WFDC9: variants seen among roughly 807,000 people sequenced by gnomAD.
WFDC9 encodes the protein protein WFDC9.
In WFDC9, 9 loss-of-function variants were observed where a neutral mutation model predicts 9.5. The observed-to-expected ratio is 0.95, with a 90% CI of 0.57 to 1.65. The LOEUF (loss-of-function observed/expected upper bound fraction) is 1.65. WFDC9 is among the 40% of genes most tolerant of loss of function. WFDC9 has a pLI of 0.00. For missense variants in WFDC9, 87 were observed against 106.7 expected, an observed-to-expected ratio of 0.82 and a Z score of 0.81; for synonymous variants, 33 against 32.3, an observed-to-expected ratio of 1.02 and a Z score of -0.07.
intron 3 of WFDC9, 37 bp downstream of exon 3, chr20:45,610,054 C>T (rs1981825608): frequency 6.3e-7 from 1 of 1,575,468 alleles, no homozygotes. Context: ...CATCCCAGGA[C>T]TGGGCAGAGC....
In WFDC9 at chr20:45,630,043, CTG is replaced by C. The variant is rs142794492; in HGVS notation, c.-153+1158_-153+1159del. Reference sequence around the variant, plus strand: ...ACCACAATGTTGTGTAGACTCTGGACTGTCCCTAAACCATGGCCCTCCAGCCC... The same window carrying C: ...ACCACAATGTTGTGTAGACTCTGGACTCCCTAAACCATGGCCCTCCAGCCC... On this transcript the variant is annotated intron_variant, in intron 1 of 4. Transcript: ENST00000326000. The C allele has an allele frequency of 3.0e-3, 3,797 of 1,262,142 alleles. 90 individuals are homozygous for C. The African/African-American group carries it at 0.05, about 17-fold the overall frequency. The allele number at this position is 1,262,142 out of a possible 1,614,324, so 78.2% of individuals were successfully genotyped here.
At chr20:45,625,665 T>C (rs78264321) in intron 1 of WFDC9, among the ~76,000 whole-genome samples, 8,064 of 152,142 alleles carry the variant, frequency 0.053, 301 homozygotes, top group African/African-American at 0.1. Flanking sequence ...GAAGGTCTAA[T>C]TTCATTATTC....
intron 1 of WFDC9, among the ~76,000 whole-genome samples, chr20:45,617,566 C>T (rs188332406): frequency 6.6e-6 from 1 of 152,176 alleles, no homozygotes; most frequent in Non-Finnish European, 1.5e-5. Flanking sequence ...TGCTATGTTC[C>T]CTAGGCTTGT....
At position 45,612,867 on chromosome 20, in the gene WFDC9, A is replaced by G. The variant is rs185591982; in HGVS notation, c.-59+1761T>C. 5.7e-3 allele frequency among the ~76,000 whole-genome samples: 873 copies of G among 152,296 alleles called. 8 individuals are homozygous for G. Among genetic ancestry groups the G allele is most frequent in the African/African-American group, 0.02 (839 of 41,570 alleles). The stretch of plus-strand genomic sequence containing the variant: ...CAGCCTTCTCCCATCTACCCCCCTC[A>G]TTCTCTATTGCTCTACTTTTCTAGA... On this transcript the variant is annotated intron_variant, in intron 2 of 4. Coordinates refer to ENST00000326000, the MANE Select transcript of WFDC9 (RefSeq NM_147198.4).
At chr20:45,627,660 G>A (rs2145603220) in intron 1 of WFDC9, among the ~76,000 whole-genome samples, 1 of 152,320 alleles carries the variant, frequency 6.6e-6, no homozygotes, top group East Asian at 1.9e-4. Flanking sequence ...GGAAAGGCTA[G>A]AGAGCTTCCA....
chr20:45,629,793 G>T, intron 1 of WFDC9: 4 of 1,611,236 alleles, frequency 2.5e-6, no homozygotes, highest in Non-Finnish European at 3.4e-6. Context: ...CAGACATAGG[G>T]CTCACGATCT....
At chr20:45,609,602 T>TAACAAAGACA (rs1312126040) in intron 3 of WFDC9, among the ~76,000 whole-genome samples, 4 of 152,180 alleles carry the variant, frequency 2.6e-5, no homozygotes, top group African/African-American at 9.7e-5. Context: ...GCTCAGTGTC[T>TAACAAAGACA]TTGTTGTCCA....
chr20:45,629,946 G>T, intron 1 of WFDC9: 1 of 1,605,650 alleles, frequency 6.2e-7, no homozygotes, highest in South Asian at 1.1e-5. Flanking sequence ...GAATTGGGTA[G>T]GGGGAATGGA....
At chr20:45,623,019 G>T (rs542255799) in intron 1 of WFDC9, among the ~76,000 whole-genome samples, 23 of 152,302 alleles carry the variant, frequency 1.5e-4, no homozygotes, top group Admixed American at 5.2e-4. Context: ...GCATGTTTGA[G>T]AAATGGCTCA....
intron 1 of WFDC9, among the ~76,000 whole-genome samples, chr20:45,618,347 G>A (rs762420190): frequency 2.0e-5 from 3 of 152,116 alleles, no homozygotes; most frequent in South Asian, 2.1e-4. Flanking sequence ...CTTTCTTATC[G>A]TTCCTGTGTT....
chr20:45,612,247 G>A (rs1199414613), intron 2 of WFDC9, among the ~76,000 whole-genome samples: 5 of 150,566 alleles, frequency 3.3e-5, no homozygotes, highest in South Asian at 4.2e-4. Flanking sequence ...TTTACACTTA[G>A]CATTTTAATC....
In WFDC9 at chr20:45,631,120, C is replaced by T; in HGVS notation, c.-153+83G>A. The T allele has an allele frequency of 2.2e-6, 3 of 1,355,430 alleles. No individual in the cohort carries two copies. The South Asian group carries it at 5.1e-5, about 23-fold the overall frequency. 84.0% of individuals were successfully genotyped at this position (1,355,430 alleles called of 1,614,324 possible). On this transcript the variant is annotated intron_variant, in intron 1 of 4. Transcript: ENST00000326000. ...GGACCTCAAGTCACCAGCATAAGAA[C>T]ATCAACAGGAATGCCGCCCTCTCTA...
At chr20:45,617,471 G>C (rs997466392) in intron 1 of WFDC9, among the ~76,000 whole-genome samples, 7 of 151,842 alleles carry the variant, frequency 4.6e-5, no homozygotes, top group African/African-American at 1.7e-4. Context: ...AATTTAAAAA[G>C]AAAATCCATG....
chr20:45,612,314 A>G (rs953058006), intron 2 of WFDC9, among the ~76,000 whole-genome samples: 9 of 152,066 alleles, frequency 5.9e-5, no homozygotes, highest in Admixed American at 3.3e-4. Flanking sequence ...CATTCACTCA[A>G]TAAGTACTTA....
rs1287328716 is a variant in WFDC9 at position 45,608,763 on chromosome 20, A to G, written c.139T>C (p.Tyr47His). The stretch of plus-strand genomic sequence containing the variant: ...GTACACCTTTTCTCACAGTACTTAT[A>G]TGGAGGCTGTACCCAGCACTGCTCA... The part of the protein sequence containing the change: ...ETEQCWVQPP[Y>H]KYCEKRCTKI... Residue 47 changes from tyrosine (Y) to histidine (H), a missense_variant, in exon 4 of 5, where the codon TAT becomes CAT. Physicochemically the swap from Tyr to His is moderately conservative, Grantham distance 83 (BLOSUM62 2). Transcript: ENST00000326000. 2 of 1,614,128 alleles carry G rather than the reference A, an allele frequency of 1.2e-6. No homozygotes were observed. Among genetic ancestry groups the G allele is most frequent in the East Asian group, 2.2e-5 (1 of 44,880 alleles).
At chr20:45,631,146 C>A in intron 1 of WFDC9, 57 bp downstream of exon 1, 1 of 1,069,172 alleles carries the variant, frequency 9.4e-7, no homozygotes, top group Non-Finnish European at 1.3e-6. Context: ...GCCCTCTCTA[C>A]TGTCTGAACC....
intron 3 of WFDC9, among the ~76,000 whole-genome samples, chr20:45,609,730 A>G (rs1344338855): frequency 6.6e-6 from 1 of 152,148 alleles, no homozygotes; most frequent in Non-Finnish European, 1.5e-5. Flanking sequence ...GTTAAATATT[A>G]CCCTTTTGGC....
intron 1 of WFDC9, among the ~76,000 whole-genome samples, chr20:45,615,486 A>G (rs1428245626): frequency 6.6e-6 from 1 of 152,232 alleles, no homozygotes. Flanking sequence ...GGATACAGGC[A>G]TACCTCGGAG....
chr20:45,622,854 G>A (rs1369915782), intron 1 of WFDC9, among the ~76,000 whole-genome samples: 1 of 152,200 alleles, frequency 6.6e-6, no homozygotes, highest in Non-Finnish European at 1.5e-5. Flanking sequence ...TAAATGTGAT[G>A]TTCACTGCTA....
Sources: allele counts gnomAD v4.1 joint callset (sites outside exome capture counted in the v4.1 genomes callset), GRCh38; gene constraint gnomAD v4.1.1; transcripts MANE v1.5; gene names NCBI Gene and HGNC (gene_info 2026-07-23, HGNC 2026-07-21).